The following LCP2 variants were observed in gnomAD, a reference collection of about 807,000 sequenced individuals.
LCP2 encodes lymphocyte cytosolic protein 2, also known as 76 kDa tyrosine phosphoprotein.
Under a neutral mutation model 74.5 loss-of-function variants are expected in LCP2, and 29 were observed. The ratio of observed to expected loss-of-function variants is 0.39; its 90% CI spans 0.29 to 0.53. The LOEUF (loss-of-function observed/expected upper bound fraction) is 0.53. Among genes scored for constraint, LCP2 ranks in the 20% least tolerant of loss-of-function variants. The pLI is 0.72. For synonymous variants in LCP2, 228 were observed against 229.5 expected (o/e 0.99, Z 0.06); for missense variants, 604 against 634.6 (o/e 0.95, Z 0.52).
chr5:170,249,689 A>G (rs1020714233), intron 20 of LCP2, among the ~76,000 whole-genome samples: 1 of 152,172 alleles, frequency 6.6e-6, no homozygotes, highest in Non-Finnish European at 1.5e-5. Context: ...AGGCTCAGCA[A>G]CCAATATTTG....
At chr5:170,278,794 G>A (rs1424681954) in intron 3 of LCP2, among the ~76,000 whole-genome samples, 3 of 152,184 alleles carry the variant, frequency 2.0e-5, no homozygotes, top group East Asian at 1.9e-4. Flanking sequence ...ATGTCAAACC[G>A]CAGGCCTCAG....
At chr5:170,253,868 A>C (rs1257505151) in intron 17 of LCP2, among the ~76,000 whole-genome samples, 1 of 151,520 alleles carries the variant, frequency 6.6e-6, no homozygotes, top group African/African-American at 2.4e-5. Context: ...CTTCTCTAAA[A>C]CTCTTTTTTC....
intron 17 of LCP2, among the ~76,000 whole-genome samples, chr5:170,254,634 T>C (rs1761517094): frequency 6.6e-6 from 1 of 152,214 alleles, no homozygotes; most frequent in African/African-American, 2.4e-5. Flanking sequence ...TTATAATGCT[T>C]GTTGAATGAA....
chr5:170,272,540 T>C (rs1001273600), intron 6 of LCP2, among the ~76,000 whole-genome samples: 3 of 149,126 alleles, frequency 2.0e-5, no homozygotes, highest in Non-Finnish European at 4.4e-5. Flanking sequence ...AACTAGGAGC[T>C]TTCCAGCAAG....
chr5:170,254,208 T>C (rs1192686133), intron 17 of LCP2, among the ~76,000 whole-genome samples: 2 of 152,318 alleles, frequency 1.3e-5, no homozygotes, highest in Admixed American at 1.3e-4. Flanking sequence ...AATCATGCGC[T>C]ATCAGTGGCA....
intron 13 of LCP2, among the ~76,000 whole-genome samples, chr5:170,262,011 C>T (rs975761995): frequency 1.3e-5 from 2 of 152,116 alleles, no homozygotes; most frequent in Non-Finnish European, 2.9e-5. Context: ...TAATTTAATC[C>T]TCACAACAGC....
intron 13 of LCP2, among the ~76,000 whole-genome samples, chr5:170,261,466 C>T (rs2338867): frequency 0.093 from 4,718 of 50,756 alleles, 236 homozygotes; most frequent in African/African-American, 0.35. Context: ...TATGTATATA[C>T]ACACACACAC....
intron 10 of LCP2, among the ~76,000 whole-genome samples, chr5:170,264,087 C>T (rs1463050129): frequency 2.0e-5 from 3 of 152,174 alleles, no homozygotes; most frequent in East Asian, 1.9e-4. Flanking sequence ...TGCTGCAACT[C>T]GAAGATTAAT....
chr5:170,255,650 G>A (rs543039138), intron 17 of LCP2, among the ~76,000 whole-genome samples: 1 of 152,242 alleles, frequency 6.6e-6, no homozygotes, highest in South Asian at 2.1e-4. Context: ...TGCCTACCAA[G>A]TGCCTGTCAC....
chr5:170,259,974 C>A (rs370142114), intron 14 of LCP2, among the ~76,000 whole-genome samples: 80 of 152,336 alleles, frequency 5.3e-4, no homozygotes, highest in African/African-American at 1.7e-3. Flanking sequence ...CACTGTCCAG[C>A]CTTACCTCTG....
chr5:170,262,700 T>C lies in LCP2; in HGVS notation c.861A>G (p.Leu287=), dbSNP rs1581061666. The change falls in exon 13 of 21, where the codon TTA becomes TTG. Residue 287 remains leucine, a synonymous_variant. Coordinates refer to ENST00000046794, the MANE Select transcript of LCP2 (RefSeq NM_005565.5). ...EHLPKIQKPP[L]PPTTERHERS... The stretch of plus-strand genomic sequence containing the variant: ...TTTCATGTCTTTCCGTGGTCGGTGG[T>C]AAAGGAGGCTTTTGAATCTTGGGTA... 1 of 1,613,996 alleles carries C rather than the reference T, an allele frequency of 6.2e-7. No homozygotes were observed. Among genetic ancestry groups the C allele is most frequent in the South Asian group, 1.1e-5 (1 of 91,084 alleles).
chr5:170,258,872 C>T lies in LCP2; in HGVS notation c.964G>A (p.Asp322Asn). Reference sequence around the variant, plus strand: ...AATGTGTTTCCGAACATACCATCATCTTCATCCTGGGAAGGGGAAGAAAAA... The same window carrying T: ...AATGTGTTTCCGAACATACCATCATTTTCATCCTGGGAAGGGGAAGAAAAA... ...WGPDRRENDE[D>N]DVHQRPLPQP... Residue 322 changes from aspartate to asparagine, a missense_variant, in exon 15 of 21, where the codon GAT (aspartate) becomes AAT (asparagine). Asp to Asn is a conservative substitution (Grantham distance 23, BLOSUM62 1). Transcript: ENST00000046794. 6.3e-7 allele frequency: 1 copy of T among 1,585,866 alleles called. No individual in the cohort carries two copies. Among genetic ancestry groups the T allele is most frequent in the Non-Finnish European group, 8.6e-7 (1 of 1,160,916 alleles).
chr5:170,274,108 CAG>C (rs1761943274), intron 6 of LCP2, 191 bp downstream of exon 6: 2 of 599,618 alleles, frequency 3.3e-6, no homozygotes, highest in Non-Finnish European at 3.0e-6. Flanking sequence ...GTAGCTGAGA[CAG>C]AGAGTGCATG....
At chr5:170,271,331 G>A (rs1418434529) in intron 6 of LCP2, among the ~76,000 whole-genome samples, 1 of 152,152 alleles carries the variant, frequency 6.6e-6, no homozygotes. Flanking sequence ...GTTCAAGGGT[G>A]CCTGTGCTCA....
Position 170,252,465 on chromosome 5 carries a change from T to A in LCP2, c.1292A>T (p.Glu431Val). ...TATCTTTCTAAGAGCAGCTTCTGCC[T>A]CTGGTCGGGTAATATAAGAAACGTA... ...EWYVSYITRPEAEAALRKINQ... is the reference protein window; with the variant it reads ...EWYVSYITRPVAEAALRKINQ... Residue 431 changes from glutamate (E) to valine (V), a missense_variant, in exon 19 of 21, where the codon GAG (glutamate) becomes GTG (valine). Physicochemically the swap from Glu to Val is moderately radical, Grantham distance 121 (BLOSUM62 -2). Transcript: ENST00000046794. The A allele has an allele frequency of 6.3e-7, 1 of 1,589,684 alleles. No individual in the cohort carries two copies. Among genetic ancestry groups the A allele is most frequent in the Non-Finnish European group, 8.6e-7 (1 of 1,161,070 alleles).
In LCP2 at chr5:170,281,437, A is replaced by G. The variant is rs553828926; in HGVS notation, c.189-5577T>C. Among the ~76,000 whole-genome samples the G allele has an allele frequency of 2.1e-3, 324 of 151,946 alleles. 4 individuals carry two copies. The highest frequency in any genetic ancestry group is 6.5e-3 in the African/African-American group (270 of 41,466). On this transcript the variant is annotated intron_variant, in intron 3 of 20. Transcript: ENST00000046794. Reference sequence around the variant, plus strand: ...TGGGACTACAGGTGCCTGCCACCACACTCGGCTAATTGTTTTGTATTTTTA... The same window carrying G: ...TGGGACTACAGGTGCCTGCCACCACGCTCGGCTAATTGTTTTGTATTTTTA...
At chr5:170,291,193 A>AAGGAAGGAAGGAAGGAAGGAAG (rs1762289353) in intron 2 of LCP2, among the ~76,000 whole-genome samples, 2 of 62,168 alleles carry the variant, frequency 3.2e-5, no homozygotes, top group African/African-American at 1.7e-4. Flanking sequence ...AAGGAAGGAA[A>AAGGAAGGAAGGAAGGAAGGAAG]GAAGGCAGGA....
In LCP2 at chr5:170,270,928, A is replaced by G; in HGVS notation, c.325-11T>C. 3.1e-6 allele frequency: 5 copies of G among 1,608,892 alleles called. No homozygotes were observed. Among genetic ancestry groups the G allele is most frequent in the Non-Finnish European group, 4.2e-6 (5 of 1,177,456 alleles). On this transcript the variant is annotated splice_polypyrimidine_tract_variant and intron_variant, in intron 6 of 20. Coordinates refer to ENST00000046794, the MANE Select transcript of LCP2 (RefSeq NM_005565.5). The stretch of plus-strand genomic sequence containing the variant: ...ATAATCGTCTTCTTCCTGCCCACAC[A>G]GTGATAGGGACAGTGCAGTTTGTAG...
chr5:170,255,592 G>C (rs1019011206), intron 17 of LCP2, among the ~76,000 whole-genome samples: 3 of 152,178 alleles, frequency 2.0e-5, no homozygotes, highest in Non-Finnish European at 4.4e-5. Context: ...CTAGAGTTGG[G>C]TAACTTTCCC....
Sources: allele counts gnomAD v4.1 joint callset (sites outside exome capture counted in the v4.1 genomes callset), GRCh38; gene constraint gnomAD v4.1.1; transcripts MANE v1.5; gene names NCBI Gene and HGNC (gene_info 2026-07-23, HGNC 2026-07-21).